ANKLE2: variants seen among roughly 807,000 people sequenced by gnomAD.
ANKLE2 encodes the protein ankyrin repeat and LEM domain-containing protein 2.
Under a neutral mutation model 84.2 loss-of-function variants are expected in ANKLE2, and 55 were observed. The observed-to-expected ratio is 0.65, with a 90% confidence interval of 0.53 to 0.82. ANKLE2 has a LOEUF of 0.82. Among genes scored for constraint, ANKLE2 ranks in the 40% least tolerant of loss-of-function variants. ANKLE2 has a pLI of 0.00. For missense variants in ANKLE2, 1,238 were observed against 1,201.9 expected, an observed-to-expected ratio of 1.03 and a Z score of -0.44; for synonymous variants, 551 against 486.1, an observed-to-expected ratio of 1.13 and a Z score of -1.76.
Position 132,755,135 on chromosome 12 carries a change from T to C in ANKLE2, c.182-2A>G, listed in dbSNP as rs1566037893. 3.1e-6 allele frequency: 5 copies of C among 1,593,066 alleles called. No individual in the cohort carries two copies. The highest frequency in any genetic ancestry group is 2.2e-5 in the East Asian group (1 of 44,786). The stretch of plus-strand genomic sequence containing the variant: ...ACAGAGCATCCATTGTCATTTCACC[T>C]AGGCCCAAGACAAAAAAATCAAAGA... On this transcript the variant is annotated splice_acceptor_variant, in intron 1 of 12. Coordinates refer to ENST00000357997, the MANE Select transcript of ANKLE2 (RefSeq NM_015114.3). LOFTEE classifies it high-confidence loss of function.
At chr12:132,761,459 G>T in intron 1 of ANKLE2, 159 bp downstream of exon 1, 1 of 611,128 alleles carries the variant, frequency 1.6e-6, no homozygotes, top group Non-Finnish European at 2.3e-6. Flanking sequence ...TGCCCTTTCC[G>T]CGGCCGGAAT....
intron 11 of ANKLE2, among the ~76,000 whole-genome samples, chr12:132,729,188 T>TCCA (rs1179253278): frequency 6.7e-6 from 1 of 149,894 alleles, no homozygotes; most frequent in African/African-American, 2.5e-5. Flanking sequence ...CCATCTCTAC[T>TCCA]AAAAATACAA....
intron 10 of ANKLE2, chr12:132,731,431 A>G (rs200777252): frequency 8.6e-6 from 1 of 115,792 alleles, no homozygotes; most frequent in Non-Finnish European, 1.9e-5. Context: ...TTCATTTTCT[A>G]TCATTCCAGG....
At chr12:132,733,679 G>C (rs992597873) in intron 10 of ANKLE2, among the ~76,000 whole-genome samples, 2 of 151,858 alleles carry the variant, frequency 1.3e-5, no homozygotes, top group South Asian at 2.1e-4. Flanking sequence ...TCTGCGTCCT[G>C]GTGTCTGATA....
rs182139012 is a variant in ANKLE2, at chr12:132,751,699, T to C, written c.641-850A>G. Among the ~76,000 whole-genome samples the C allele has an allele frequency of 2.7e-3, 403 of 150,874 alleles. 1 individual carries two copies. Among genetic ancestry groups the C allele is most frequent in the African/African-American group, 9.2e-3 (377 of 41,046 alleles). On this transcript the variant is annotated intron_variant, in intron 2 of 12. Coordinates refer to ENST00000357997, the MANE Select transcript of ANKLE2 (RefSeq NM_015114.3). ...CTGGGATTATAGGCACCGGCCACCA[T>C]GCCTGGCTAATTGTTGTATTTTTAG... is the stretch of plus-strand genomic sequence containing the variant.
intron 10 of ANKLE2, among the ~76,000 whole-genome samples, chr12:132,732,440 T>C (rs1438044110): frequency 2.2e-4 from 27 of 122,850 alleles, no homozygotes; most frequent in East Asian, 5.4e-4. Context: ...GTGTCTGATA[T>C]GCACCGTGTG....
Position 132,750,826 on chromosome 12 carries a change from T to C in ANKLE2, c.664A>G (p.Lys222Glu). The C allele has an allele frequency of 6.2e-7, 1 of 1,614,154 alleles. No individual in the cohort carries two copies. Among genetic ancestry groups the C allele is most frequent in the Non-Finnish European group, 8.5e-7 (1 of 1,180,006 alleles). Residue 222 changes from lysine to glutamate, a missense_variant, in exon 3 of 13, where the codon AAA becomes GAA. This residue lies in a region of ANKLE2 where 422 missense variants were observed against 394.5 expected (regional missense o/e 1.07). Coordinates refer to ENST00000357997, the MANE Select transcript of ANKLE2 (RefSeq NM_015114.3). ...TTGACAGCTTGCAATGCTTCCTTTT[T>C]ATTTTCATAAACATAGATCCTTTCT... ...RNERIYVYENKKEALQAVKMI... is the reference protein window; with the variant it reads ...RNERIYVYENEKEALQAVKMI...
Position 132,730,249 on chromosome 12 carries a change from C to G in ANKLE2, c.1913G>C (p.Arg638Thr), listed in dbSNP as rs2043812897. 6.4e-7 allele frequency: 1 copy of G among 1,566,860 alleles called. No homozygotes were observed. The highest frequency in any genetic ancestry group is 1.2e-5 in the South Asian group (1 of 85,390). Residue 638 changes from arginine (R) to threonine (T), a missense_variant, in exon 11 of 13, where the codon AGG becomes ACG. Arg to Thr is a moderately conservative substitution (Grantham distance 71). This residue lies in a region of ANKLE2 where 802 missense variants were observed against 774.5 expected (regional missense o/e 1.04). Coordinates refer to ENST00000357997, the MANE Select transcript of ANKLE2 (RefSeq NM_015114.3). ...TTSGSNSISVRAFLDEDDMSL... is the reference protein window; with the variant it reads ...TTSGSNSISVTAFLDEDDMSL... ...CATGTCATCTTCATCTAGAAACGCC[C>G]TCACGGAAATGGAATTGCTGCCTGT... is the stretch of plus-strand genomic sequence containing the variant.
chr12:132,729,223 C>A (rs1440773190), intron 11 of ANKLE2, among the ~76,000 whole-genome samples: 18 of 147,138 alleles, frequency 1.2e-4, no homozygotes, highest in African/African-American at 4.6e-4. Context: ...TGGTGGCAGG[C>A]GCCTGTAATC....
Position 132,754,955 on chromosome 12 carries a change from G to C in ANKLE2, c.360C>G (p.Phe120Leu). 1.9e-6 allele frequency: 3 copies of C among 1,614,218 alleles called. No homozygotes were observed. Among genetic ancestry groups the C allele is most frequent in the Non-Finnish European group, 2.5e-6 (3 of 1,180,050 alleles). ...CTGTGACACCTGCCTCATGGTGGTA[G>C]AAAGAAGACAGCCTTCCTCCTTGCT... is the stretch of plus-strand genomic sequence containing the variant. ...LLEQGGRLSSFYHHEAGVTAL... is the reference protein window; with the variant it reads ...LLEQGGRLSSLYHHEAGVTAL... Residue 120 changes from phenylalanine (F) to leucine (L), a missense_variant, in exon 2 of 13, where the codon TTC becomes TTG. Physicochemically the swap from Phe to Leu is conservative, Grantham distance 22. Around this residue, in one of 3 missense-constraint regions of ANKLE2, gnomAD observed 422 missense variants for 394.5 expected, o/e 1.07. Coordinates refer to ENST00000357997, the MANE Select transcript of ANKLE2 (RefSeq NM_015114.3).
chr12:132,735,152 C>A, intron 9 of ANKLE2: 1 of 528,354 alleles, frequency 1.9e-6, no homozygotes, highest in African/African-American at 1.9e-5. Flanking sequence ...AGAAACATGT[C>A]CCAGAACCAA....
intron 10 of ANKLE2, chr12:132,730,860 G>A (rs1479567833): frequency 6.6e-6 from 1 of 152,462 alleles, no homozygotes; most frequent in Non-Finnish European, 1.5e-5. Context: ...TTCTTTCAAA[G>A]GCAGGGACAT....
At chr12:132,738,552 T>C (rs2044059990) in intron 7 of ANKLE2, 1 of 149,558 alleles carries the variant, frequency 6.7e-6, no homozygotes, top group African/African-American at 2.5e-5. Flanking sequence ...GGAAACAGAG[T>C]CTCGCTCTGT....
chr12:132,735,516 T>G lies in ANKLE2; in HGVS notation c.1594-4A>C. ...AGAGCTTGCGAAAATCTTCTGCCTA[T>G]GAAGAAAAAAAAATGTATTGAGCCG... On this transcript the variant is annotated splice_region_variant and splice_polypyrimidine_tract_variant and intron_variant, in intron 8 of 12. Coordinates refer to ENST00000357997, the MANE Select transcript of ANKLE2 (RefSeq NM_015114.3). 2.5e-6 allele frequency: 4 copies of G among 1,607,064 alleles called. No homozygotes were observed. The highest frequency in any genetic ancestry group is 3.4e-6 in the Non-Finnish European group (4 of 1,177,894).
chr12:132,734,421 G>T lies in ANKLE2; in HGVS notation c.1855C>A (p.Arg619=). Residue 619 remains arginine, a synonymous_variant, in exon 10 of 13, where the codon CGG becomes AGG. Transcript: ENST00000357997. Reference sequence around the variant, plus strand: ...GCTTTATCTCGGCAGGAGGCTTCCCGTTCTCCTGTTTCTTGTTGAGCCTTT... The same window carrying T: ...GCTTTATCTCGGCAGGAGGCTTCCCTTTCTCCTGTTTCTTGTTGAGCCTTT... The part of the protein sequence containing the change: ...GKKAQQETGE[R]EASCRDKATT... 1 of 1,614,108 alleles carries T rather than the reference G, an allele frequency of 6.2e-7. No homozygotes were observed. The highest frequency in any genetic ancestry group is 8.5e-7 in the Non-Finnish European group (1 of 1,180,014).
intron 1 of ANKLE2, chr12:132,759,033 C>T (rs1030312521): frequency 2.9e-5 from 4 of 136,380 alleles, no homozygotes; most frequent in African/African-American, 9.3e-5. Flanking sequence ...TGGATCGCTG[C>T]GGAGTGGCAC....
Position 132,730,332 on chromosome 12 carries a change from G to A in ANKLE2, c.1892-62C>T, listed in dbSNP as rs548295728. ...CGACAGGAAGCCACGGAGCTGCTCC[G>A]CCCCATCCATGACCAACTGCCGTGA... On this transcript the variant is annotated intron_variant, in intron 10 of 12. Transcript: ENST00000357997. 31 of 1,345,318 alleles carry A rather than the reference G, an allele frequency of 2.3e-5. No individual in the cohort carries two copies. In the African/African-American group the frequency reaches 2.6e-4, roughly 11 times the overall value. 83.3% of individuals were successfully genotyped at this position (1,345,318 alleles called of 1,614,324 possible).
At position 132,743,410 on chromosome 12, in the gene ANKLE2, G is replaced by T; in HGVS notation, c.1231-134C>A. ...ACGGAGTCTCACTGGCGTGATCTTG[G>T]CTCACTGCAACCTCTGCCTCCCGGG... On this transcript the variant is annotated intron_variant, in intron 5 of 12. Transcript: ENST00000357997. The surrounding 1 kb of genome is among the most constrained non-coding windows in gnomAD (Gnocchi z 4.1). 1.7e-6 allele frequency: 2 copies of T among 1,181,742 alleles called. No homozygotes were observed. Among genetic ancestry groups the T allele is most frequent in the Non-Finnish European group, 2.2e-6 (2 of 890,872 alleles). The allele number at this position is 1,181,742 out of a possible 1,614,324, so 73.2% of individuals were successfully genotyped here.
chr12:132,755,281 C>T (rs911537135), intron 1 of ANKLE2, 148 bp from the exon 2 acceptor site: 70 of 711,242 alleles, frequency 9.8e-5, no homozygotes, highest in Non-Finnish European at 1.4e-4. Flanking sequence ...CGGTGGCTCA[C>T]GCCTGTAATC....
Sources: allele counts gnomAD v4.1 joint callset (sites outside exome capture counted in the v4.1 genomes callset), GRCh38; gene constraint gnomAD v4.1.1; regional missense constraint gnomAD v4.1.1; non-coding constraint Gnocchi (gnomAD v3.1); transcripts MANE v1.5; gene names NCBI Gene and HGNC (gene_info 2026-07-23, HGNC 2026-07-21).